Variants in ADAMTS18 observed in about 807,000 individuals in gnomAD.
ADAMTS18 encodes A disintegrin and metalloproteinase with thrombospondin motifs 18.
ADAMTS18 carries 157 observed loss-of-function variants against 165.9 expected under a neutral mutation model. The observed-to-expected ratio is 0.95, with a 90% CI of 0.83 to 1.08. ADAMTS18 has a LOEUF of 1.08. Among genes scored for constraint, ADAMTS18 ranks in the 50% least tolerant of loss-of-function variants. The probability of loss-of-function intolerance (pLI) is 0.00; values close to 1 mark genes in which losing one functional copy is unlikely to be tolerated. For missense variants in ADAMTS18, 2,040 were observed against 1,534.0 expected (o/e 1.33, Z -5.51); for synonymous variants, 782 against 578.2 (o/e 1.35, Z -5.06).
intron 3 of ADAMTS18, among the ~76,000 whole-genome samples, chr16:77,418,406 G>A (rs1363908604): frequency 6.6e-6 from 1 of 152,194 alleles, no homozygotes; most frequent in Non-Finnish European, 1.5e-5. Context: ...ACTAGGCTAT[G>A]TCTGGAGACA....
chr16:77,291,315 T>G lies in ADAMTS18; in HGVS notation c.3353A>C (p.His1118Pro). 1 of 1,614,208 alleles carries G rather than the reference T, an allele frequency of 6.2e-7. No homozygotes were observed. The highest frequency in any genetic ancestry group is 8.5e-7 in the Non-Finnish European group (1 of 1,180,028). Residue 1118 changes from histidine (H) to proline (P), a missense_variant, in exon 21 of 23, where the codon CAT becomes CCT. Physicochemically the swap from His to Pro is moderately conservative, Grantham distance 77. Transcript: ENST00000282849. ...TCCAGCTACCATGTTGTACACTGGA[T>G]GGGCTGGGCAAGCCCGTCGGTTGCA... ...ETCNRRACPAHPVYNMVAGWY... is the reference protein window; with the variant it reads ...ETCNRRACPAPPVYNMVAGWY...
At chr16:77,300,538 G>A (rs906937449) in intron 16 of ADAMTS18, 134 bp from the exon 17 acceptor site, 45 of 1,039,350 alleles carry the variant, frequency 4.3e-5, no homozygotes, top group Non-Finnish European at 6.0e-5. Flanking sequence ...TTGTTCCCAA[G>A]TATGTTTTAT....
Position 77,293,148 on chromosome 16 carries a change from C to T in ADAMTS18, c.3117G>A (p.Leu1039=), listed in dbSNP as rs758639413. Residue 1039 remains leucine (L), a synonymous_variant, in exon 20 of 23, where the codon CTG becomes CTA. Transcript: ENST00000282849. ...ATCGTCCAAGCACACAGCCCTCCTG[C>T]AGCTCAGGTCTGGGGAGACTGGTAC... The part of the protein sequence containing the change: ...SQCTSLPRPE[L]QEGCVLGRCP... 6.2e-7 allele frequency: 1 copy of T among 1,613,922 alleles called. No individual in the cohort carries two copies. The highest frequency in any genetic ancestry group is 1.3e-5 in the African/African-American group (1 of 74,894).
intron 3 of ADAMTS18, among the ~76,000 whole-genome samples, chr16:77,405,205 C>G (rs961721010): frequency 6.6e-6 from 1 of 152,146 alleles, no homozygotes; most frequent in African/African-American, 2.4e-5. Context: ...TAAGTGGATC[C>G]AAATTCATGT....
At chr16:77,421,335 T>G (rs1046940392) in intron 3 of ADAMTS18, among the ~76,000 whole-genome samples, 1 of 152,224 alleles carries the variant, frequency 6.6e-6, no homozygotes, top group Non-Finnish European at 1.5e-5. Context: ...GGAACGGGCT[T>G]TCATGGGAAA....
At chr16:77,391,003 T>C (rs1277284413) in intron 3 of ADAMTS18, among the ~76,000 whole-genome samples, 1 of 152,168 alleles carries the variant, frequency 6.6e-6, no homozygotes, top group African/African-American at 2.4e-5. Context: ...CCACCATCCT[T>C]CCATCTACTC....
chr16:77,384,767 G>A (rs890373315), intron 3 of ADAMTS18, among the ~76,000 whole-genome samples: 4 of 152,050 alleles, frequency 2.6e-5, no homozygotes, highest in African/African-American at 9.7e-5. Context: ...TATATAGTAA[G>A]CTACATTATC....
At chr16:77,334,002 C>T (rs549439020) in intron 12 of ADAMTS18, among the ~76,000 whole-genome samples, 7 of 124,464 alleles carry the variant, frequency 5.6e-5, no homozygotes, top group East Asian at 2.1e-4. Flanking sequence ...ATATACAGTG[C>T]AATATATGCT....
At chr16:77,387,488 A>G (rs957004885) in intron 3 of ADAMTS18, among the ~76,000 whole-genome samples, 2 of 152,222 alleles carry the variant, frequency 1.3e-5, no homozygotes, top group African/African-American at 2.4e-5. Context: ...TCAAGAGTAC[A>G]CACACAGAGG....
intron 3 of ADAMTS18, among the ~76,000 whole-genome samples, chr16:77,378,452 C>T (rs6564439): frequency 0.29 from 43,551 of 151,878 alleles, 7,040 homozygotes; most frequent in East Asian, 0.57. Flanking sequence ...CGGTAGCTCA[C>T]ACCTGTAATC....
chr16:77,322,187 G>T lies in ADAMTS18; in HGVS notation c.2163+149C>A, dbSNP rs912188138. 5 of 674,996 alleles carry T rather than the reference G, an allele frequency of 7.4e-6. No individual in the cohort carries two copies. In the Admixed American group the frequency reaches 1.1e-4, roughly 15 times the overall value. 41.8% of individuals were successfully genotyped at this position (674,996 alleles called of 1,614,324 possible). A position where few individuals can be genotyped will look rare whatever the true frequency, so the allele number is the denominator to read the frequency against. ...AAAAAAAAAAAAAAAAAGATATGGTGCTCGAATCCAGTGAAACACTTTGCT... is the reference window on the plus strand; with the variant it reads ...AAAAAAAAAAAAAAAAAGATATGGTTCTCGAATCCAGTGAAACACTTTGCT... On this transcript the variant is annotated intron_variant, in intron 14 of 22. Coordinates refer to ENST00000282849, the MANE Select transcript of ADAMTS18 (RefSeq NM_199355.4).
intron 2 of ADAMTS18, chr16:77,433,384 G>A (rs1476297436): frequency 6.6e-6 from 1 of 152,272 alleles, no homozygotes; most frequent in Non-Finnish European, 1.5e-5. Flanking sequence ...AGAATAACAG[G>A]CTGTCGGTTA....
chr16:77,313,479 C>G (rs2055822980), intron 16 of ADAMTS18, among the ~76,000 whole-genome samples: 1 of 115,772 alleles, frequency 8.6e-6, no homozygotes, highest in Admixed American at 7.9e-5. Context: ...ATAAATGACT[C>G]AAGGTTTAAA....
At chr16:77,403,044 T>C (rs1462024767) in intron 3 of ADAMTS18, among the ~76,000 whole-genome samples, 1 of 152,220 alleles carries the variant, frequency 6.6e-6, no homozygotes, top group African/African-American at 2.4e-5. Flanking sequence ...CCGCTTATTA[T>C]GTGCCAAGTA....
intron 22 of ADAMTS18, among the ~76,000 whole-genome samples, chr16:77,286,106 T>A (rs1433240986): frequency 6.6e-6 from 1 of 152,152 alleles, no homozygotes; most frequent in Non-Finnish European, 1.5e-5. Flanking sequence ...TCACCTTGTT[T>A]CTTGTACTCC....
intron 19 of ADAMTS18, among the ~76,000 whole-genome samples, chr16:77,293,772 C>T (rs191705640): frequency 1.6e-4 from 24 of 148,908 alleles, no homozygotes; most frequent in Middle Eastern, 3.4e-3. Flanking sequence ...ATCCTAGATC[C>T]GTCACCTGTG....
intron 18 of ADAMTS18, 92 bp from the exon 19 acceptor site, chr16:77,295,219 G>A: frequency 7.6e-7 from 1 of 1,317,260 alleles, no homozygotes; most frequent in Non-Finnish European, 1.1e-6. Context: ...ACCTATGGAA[G>A]CCATGAATCA....
intron 3 of ADAMTS18, among the ~76,000 whole-genome samples, chr16:77,418,040 A>G (rs2057552928): frequency 6.6e-6 from 1 of 152,200 alleles, no homozygotes; most frequent in Non-Finnish European, 1.5e-5. Flanking sequence ...TGCAAGGGTG[A>G]ATTTTATTAT....
chr16:77,305,649 A>T (rs2055668062), intron 16 of ADAMTS18, among the ~76,000 whole-genome samples: 2 of 152,146 alleles, frequency 1.3e-5, no homozygotes, highest in Non-Finnish European at 2.9e-5. Flanking sequence ...ATGACCCTGC[A>T]ATCTGACAAT....
Sources: gnomAD v4.1 joint callset for allele counts (sites outside exome capture counted in the v4.1 genomes callset) on GRCh38, gnomAD v4.1.1 for gene constraint, MANE v1.5 for transcripts, NCBI Gene and HGNC (gene_info 2026-07-23, HGNC 2026-07-21) for gene names.